Variants in THOC1 observed in about 807,000 individuals in gnomAD.
The protein encoded by THOC1 is THO complex 1.
A neutral mutation model predicts 97.3 loss-of-function variants in THOC1; 29 were observed. The observed-to-expected ratio is 0.30, with a 90% confidence interval of 0.22 to 0.41. The LOEUF (loss-of-function observed/expected upper bound fraction) is 0.41. Ranked by LOEUF, THOC1 falls within the 10% of genes least tolerant of loss-of-function variation. The pLI, the probability that THOC1 is intolerant of heterozygous loss-of-function variation, is 1.00. For missense variants in THOC1, 529 were observed against 761.9 expected (o/e 0.69, Z 3.60); for synonymous variants, 255 against 257.0 (o/e 0.99, Z 0.07).
At chr18:263,103 T>C (rs1039759589) in intron 4 of THOC1, among the ~76,000 whole-genome samples, 1 of 151,974 alleles carries the variant, frequency 6.6e-6, no homozygotes, top group Non-Finnish European at 1.5e-5. Flanking sequence ...TTTTTTGAGA[T>C]GGAGTCTTGC....
At chr18:226,333 A>T (rs1029166795) in intron 12 of THOC1, 3 of 155,384 alleles carry the variant, frequency 1.9e-5, no homozygotes, top group African/African-American at 7.2e-5. Flanking sequence ...GGAAGTATTT[A>T]GATAGACAGT....
intron 7 of THOC1, 129 bp downstream of exon 7, chr18:259,051 A>G (rs1912522451): frequency 1.5e-6 from 1 of 670,630 alleles, no homozygotes; most frequent in African/African-American, 1.8e-5. Flanking sequence ...AAAGAAAATA[A>G]AGTGACAATT....
chr18:215,130 G>C (rs7343055), intron 20 of THOC1, among the ~76,000 whole-genome samples: 26 of 152,226 alleles, frequency 1.7e-4, no homozygotes, highest in Admixed American at 3.9e-4. Context: ...TAATTACGTA[G>C]GCTTTCCCTG....
intron 1 of THOC1, 49 bp from the exon 2 acceptor site, chr18:265,579 T>C: frequency 1.4e-6 from 2 of 1,439,036 alleles, no homozygotes; most frequent in Non-Finnish European, 1.9e-6. Context: ...TTGCTTATTA[T>C]TTGCTGAAAA....
rs1912335296 is a variant in THOC1, at chr18:253,192, C to T, written c.604-580G>A. Among the ~76,000 whole-genome samples the T allele has an allele frequency of 2.0e-5, 3 of 152,138 alleles. No individual in the cohort carries two copies. In the South Asian group the frequency reaches 6.2e-4, roughly 32 times the overall value. ...CTGGTGGCTGTATAAATTGGTATAA[C>T]CTTTTTGAGAAGTAACCAGGCAATA... On this transcript the variant is annotated intron_variant, in intron 8 of 20. Transcript: ENST00000261600.
At chr18:224,253 AAG>A in intron 15 of THOC1, 74 bp from the exon 16 acceptor site, 2 of 1,161,088 alleles carry the variant, frequency 1.7e-6, no homozygotes, top group Non-Finnish European at 2.5e-6. Flanking sequence ...TTTAACGTAA[AAG>A]AAAATTTAGT....
intron 12 of THOC1, 118 bp downstream of exon 12, chr18:226,683 T>C: frequency 3.1e-6 from 2 of 654,058 alleles, no homozygotes; most frequent in Non-Finnish European, 5.2e-6. Flanking sequence ...CTGCAATACA[T>C]GTGTTTTAGG....
rs180698338 is a variant in THOC1, at chr18:244,001, C to G, written c.918+2323G>C. 2.0e-5 allele frequency among the ~76,000 whole-genome samples: 3 copies of G among 152,184 alleles called. No individual in the cohort carries two copies. In the East Asian group the frequency reaches 5.8e-4, roughly 29 times the overall value. On this transcript the variant is annotated intron_variant, in intron 11 of 20. Transcript: ENST00000261600. Reference sequence around the variant, plus strand: ...AAGTGGTCTAGATTCCTCCCTGCCTCCCTTTGATCTCTGTTCTTTGAGAGC... The same window carrying G: ...AAGTGGTCTAGATTCCTCCCTGCCTGCCTTTGATCTCTGTTCTTTGAGAGC...
intron 17 of THOC1, among the ~76,000 whole-genome samples, chr18:223,102 G>A (rs1205555166): frequency 6.6e-6 from 1 of 151,996 alleles, no homozygotes; most frequent in Non-Finnish European, 1.5e-5. Flanking sequence ...CATTTTGCAA[G>A]TTCAACGAAC....
intron 9 of THOC1, among the ~76,000 whole-genome samples, chr18:251,788 G>A (rs958709665): frequency 6.6e-6 from 1 of 152,174 alleles, no homozygotes; most frequent in African/African-American, 2.4e-5. Flanking sequence ...GTTGGTTCCC[G>A]CCCTGCGCTC....
chr18:249,696 T>G (rs1285197212), intron 9 of THOC1, among the ~76,000 whole-genome samples: 1 of 149,808 alleles, frequency 6.7e-6, no homozygotes, highest in Non-Finnish European at 1.5e-5. Context: ...AAAAAGAACA[T>G]TCCCTAAAAC....
rs952431896 is a variant in THOC1, at chr18:259,358, T to C, written c.425-83A>G. On this transcript the variant is annotated intron_variant, in intron 6 of 20. Transcript: ENST00000261600. ...CCACACCTAAAAGTTTCTAAACCAG[T>C]GTGTCAAGAGTATTTTCCTAAAGCA... 1.3e-5 allele frequency: 15 copies of C among 1,166,110 alleles called. No individual in the cohort carries two copies. In the East Asian group the frequency reaches 1.5e-4, roughly 12 times the overall value. The allele number at this position is 1,166,110 out of a possible 1,614,324, so 72.2% of individuals were successfully genotyped here.
In THOC1 at chr18:243,537, C is replaced by CAA. The variant is rs928367020; in HGVS notation, c.918+2785_918+2786dup. Among the ~76,000 whole-genome samples, 21 of 146,828 alleles carry CAA rather than the reference C, an allele frequency of 1.4e-4. No homozygotes were observed. The South Asian group carries it at 2.2e-3, about 15-fold the overall frequency. On this transcript the variant is annotated intron_variant, in intron 11 of 20. Coordinates refer to ENST00000261600, the MANE Select transcript of THOC1 (RefSeq NM_005131.3). ...TGGGCGACAGAGCAAAACTCCGTCT[C>CAA]AAAAAAAAATATATATATATATATC... is the stretch of plus-strand genomic sequence containing the variant.
intron 4 of THOC1, 120 bp downstream of exon 4, chr18:263,903 TCAG>T: frequency 1.4e-6 from 1 of 699,538 alleles, no homozygotes; most frequent in Non-Finnish European, 2.4e-6. Context: ...AAGTTGGGAG[TCAG>T]GCAGAACTTG....
At chr18:225,621 A>C (rs776753412) in intron 12 of THOC1, 35 of 525,978 alleles carry the variant, frequency 6.7e-5, no homozygotes, top group Non-Finnish European at 1.1e-4. Flanking sequence ...ATATGCAGGG[A>C]ATAAAACATT....
intron 17 of THOC1, among the ~76,000 whole-genome samples, chr18:221,175 T>C (rs114579562): frequency 0.031 from 4,745 of 152,326 alleles, 235 homozygotes; most frequent in African/African-American, 0.11. Context: ...TTACAAAAAC[T>C]TGTGGTTTCT....
intron 7 of THOC1, among the ~76,000 whole-genome samples, chr18:258,058 T>C (rs1027694293): frequency 1.6e-4 from 24 of 151,926 alleles, no homozygotes; most frequent in African/African-American, 5.8e-4. Flanking sequence ...TACACAGAGA[T>C]ACATCATAGT....
intron 19 of THOC1, 147 bp from the exon 20 acceptor site, chr18:215,651 T>A (rs1171393411): frequency 9.7e-6 from 6 of 619,590 alleles, no homozygotes; most frequent in African/African-American, 1.8e-5. Flanking sequence ...CAGTGTCAGG[T>A]AAGGATCCTA....
At chr18:251,789 C>A (rs141651120) in intron 9 of THOC1, among the ~76,000 whole-genome samples, 1,594 of 152,296 alleles carry the variant, frequency 0.01, 73 homozygotes, top group Admixed American at 0.084. Flanking sequence ...TTGGTTCCCG[C>A]CCTGCGCTCT....
Sources: gnomAD v4.1 joint callset for allele counts (sites outside exome capture counted in the v4.1 genomes callset) on GRCh38, gnomAD v4.1.1 for gene constraint, MANE v1.5 for transcripts, NCBI Gene and HGNC (gene_info 2026-07-23, HGNC 2026-07-21) for gene names.